AK6: variants seen among roughly 807,000 people sequenced by gnomAD.
AK6 encodes adenylate kinase 6.
Under a neutral mutation model 23.7 loss-of-function variants are expected in AK6, and 24 were observed. The observed-to-expected ratio is 1.01, with a 90% CI of 0.73 to 1.43. The LOEUF (loss-of-function observed/expected upper bound fraction) is 1.43, where lower values mean the gene tolerates loss of function less well. Among genes scored for constraint, AK6 ranks in the 40% most tolerant of loss-of-function variants. AK6 has a pLI of 0.00. For synonymous variants in AK6, 73 were observed against 69.8 expected (o/e 1.05, Z -0.23); for missense variants, 191 against 199.1 (o/e 0.96, Z 0.24).
chr5:69,365,711 G>T (rs1368771839), intron 2 of AK6: 1 of 1,566,326 alleles, frequency 6.4e-7, no homozygotes, highest in Non-Finnish European at 8.7e-7. Flanking sequence ...GCATGCTCTT[G>T]GGAGAAGCCG....
At chr5:69,355,552 AAAAC>A (rs1762061040) in intron 4 of AK6, 93 bp downstream of exon 4, 14 of 1,342,382 alleles carry the variant, frequency 1.0e-5, no homozygotes, top group Middle Eastern at 2.7e-4. Context: ...AAAACAAAAC[AAAAC>A]AAACAACAAC....
chr5:69,362,171 A>C (rs894316761), intron 2 of AK6, among the ~76,000 whole-genome samples: 1 of 151,832 alleles, frequency 6.6e-6, no homozygotes, highest in African/African-American at 2.4e-5. Context: ...AGATTTCTCA[A>C]CCTTATTACT....
rs1168463010 is a variant in AK6 at position 69,365,686 on chromosome 5, T to G, written c.121+817A>C. 1.9e-6 allele frequency: 3 copies of G among 1,596,946 alleles called. No individual in the cohort carries two copies. In the Admixed American group the frequency reaches 5.1e-5, roughly 27 times the overall value. On this transcript the variant is annotated intron_variant, in intron 2 of 4. Transcript: ENST00000380822. ...ATATCCTTCAGGATTTGTGCCATCA[T>G]CTGTGCATCTTTCGGCATGCTCTTG...
chr5:69,362,072 A>C (rs1762255871), intron 2 of AK6, among the ~76,000 whole-genome samples: 4 of 141,270 alleles, frequency 2.8e-5, no homozygotes, highest in African/African-American at 1.1e-4. Flanking sequence ...CTAAACTTTT[A>C]GAAATAAGTT....
At chr5:69,365,692 C>T (rs979649591) in intron 2 of AK6, 1 of 1,590,192 alleles carries the variant, frequency 6.3e-7, no homozygotes, top group Non-Finnish European at 8.6e-7. Flanking sequence ...ATCATCTGTG[C>T]ATCTTTCGGC....
At chr5:69,365,686 T>C in intron 2 of AK6, 2 of 1,596,946 alleles carry the variant, frequency 1.3e-6, no homozygotes, top group Non-Finnish European at 1.7e-6. Flanking sequence ...TGTGCCATCA[T>C]CTGTGCATCT....
chr5:69,365,117 T>A (rs775559170), intron 2 of AK6: 3 of 1,614,248 alleles, frequency 1.9e-6, no homozygotes, highest in Non-Finnish European at 2.5e-6. Context: ...TCTGAACTGC[T>A]GAGGTTGCAG....
intron 2 of AK6, among the ~76,000 whole-genome samples, chr5:69,364,542 C>G (rs1031263236): frequency 6.6e-6 from 1 of 152,174 alleles, no homozygotes; most frequent in African/African-American, 2.4e-5. Flanking sequence ...CTTCAGCAAT[C>G]TGAGAGAACA....
upstream of AK6, chr5:69,369,597 C>T (rs1248685417): frequency 1.3e-6 from 2 of 1,590,876 alleles, no homozygotes; most frequent in Non-Finnish European, 1.7e-6. Context: ...CCAAAGGCCC[C>T]GAAGCCCACC....
chr5:69,364,778 T>C, intron 2 of AK6: 1 of 724,092 alleles, frequency 1.4e-6, no homozygotes, highest in Non-Finnish European at 2.3e-6. Flanking sequence ...CTTACACTTT[T>C]AAGGCTGATG....
At chr5:69,369,521 G>T (rs773812621), upstream of AK6, 1 of 1,610,964 alleles carries the variant, frequency 6.2e-7, no homozygotes, top group Non-Finnish European at 8.5e-7. Flanking sequence ...CGGGCGCCTC[G>T]CTCACGTGCC....
intron 2 of AK6, 27 bp from the exon 3 acceptor site, chr5:69,355,980 G>C (rs1762075294): frequency 1.3e-6 from 2 of 1,567,630 alleles, no homozygotes; most frequent in East Asian, 4.5e-5. Flanking sequence ...ATTGCTTGTT[G>C]AAATATTTTC....
At chr5:69,354,130 C>T (rs950974656) in intron 4 of AK6, among the ~76,000 whole-genome samples, 3 of 151,952 alleles carry the variant, frequency 2.0e-5, no homozygotes, top group Admixed American at 6.6e-5. Context: ...ACAACCTTTT[C>T]GATAGTTAAA....
At position 69,351,168 on chromosome 5, in the gene AK6, G is replaced by C. The variant is rs1463462300; in HGVS notation, c.*893C>G. On this transcript the variant is annotated 3_prime_UTR_variant, in exon 5 of 5. Transcript: ENST00000380822. ...GACAGTTACATAACCTTGTTAATAA[G>C]CTAAAAACCAACGGATTATAAATTT... 2 of 152,074 alleles carry C rather than the reference G, an allele frequency of 1.3e-5. No homozygotes were observed. Among genetic ancestry groups the C allele is most frequent in the African/African-American group, 4.8e-5 (2 of 41,408 alleles). The allele number at this position is 152,074 out of a possible 1,614,324, so 9.4% of individuals were successfully genotyped here. A position where few individuals can be genotyped will look rare whatever the true frequency, so the allele number is the denominator to read the frequency against.
intron 2 of AK6, among the ~76,000 whole-genome samples, chr5:69,356,614 G>A (rs1762090771): frequency 6.6e-6 from 1 of 152,112 alleles, no homozygotes; most frequent in South Asian, 2.1e-4. Context: ...TCACACCACC[G>A]TACTCCAGGC....
At chr5:69,369,067 ACT>A (rs1762689039) in intron 1 of AK6, 3 of 274,784 alleles carry the variant, frequency 1.1e-5, no homozygotes, top group Non-Finnish European at 2.0e-5. Context: ...ACCATTAATG[ACT>A]CTACCGGGAA....
intron 2 of AK6, among the ~76,000 whole-genome samples, chr5:69,359,563 C>G (rs1337771124): frequency 6.6e-6 from 1 of 152,068 alleles, no homozygotes; most frequent in Admixed American, 6.6e-5. Flanking sequence ...TTTTTTAAAG[C>G]TCATTCTTAC....
chr5:69,364,350 AT>A (rs1005337696), intron 2 of AK6, among the ~76,000 whole-genome samples: 9 of 151,688 alleles, frequency 5.9e-5, no homozygotes, highest in African/African-American at 1.7e-4. Context: ...ACACTTATAA[AT>A]TTTTTTTTAA....
intron 2 of AK6, among the ~76,000 whole-genome samples, chr5:69,361,213 G>A (rs1762225298): frequency 6.6e-6 from 1 of 152,054 alleles, no homozygotes; most frequent in Admixed American, 6.6e-5. Context: ...GAGTGCAGTG[G>A]CGCGATCTTG....
Sources: allele counts gnomAD v4.1 joint callset (sites outside exome capture counted in the v4.1 genomes callset), GRCh38; gene constraint gnomAD v4.1.1; transcripts MANE v1.5; gene names NCBI Gene and HGNC (gene_info 2026-07-23, HGNC 2026-07-21).